Variants in CACNA1I observed in about 807,000 individuals in gnomAD.
CACNA1I encodes voltage-dependent T-type calcium channel subunit alpha-1I.
In CACNA1I, 74 loss-of-function variants were observed where a neutral mutation model predicts 201.6. The ratio of observed to expected loss-of-function variants is 0.37; its 90% confidence interval spans 0.30 to 0.45. The LOEUF is 0.45. Among genes scored for constraint, CACNA1I ranks in the 20% least tolerant of loss-of-function variants. The pLI is 1.00. For missense variants in CACNA1I, 2,346 were observed against 3,138.1 expected (o/e 0.75, Z 6.03); for synonymous variants, 1,431 against 1,345.2 (o/e 1.06, Z -1.40).
At chr22:39,619,591 T>C (rs1190222454) in intron 4 of CACNA1I, among the ~76,000 whole-genome samples, 184 bp downstream of exon 4, 1 of 150,062 alleles carries the variant, frequency 6.7e-6, no homozygotes, top group African/African-American at 2.5e-5. Flanking sequence ...CCTGCTCCCA[T>C]AGAGCTCATG....
chr22:39,630,035 G>A (rs912513305), intron 4 of CACNA1I, among the ~76,000 whole-genome samples: 1 of 152,110 alleles, frequency 6.6e-6, no homozygotes, highest in Non-Finnish European at 1.5e-5. Flanking sequence ...CAGCCGCATG[G>A]TCTCCTTGCT....
At chr22:39,588,424 C>T (rs557487218) in intron 1 of CACNA1I, among the ~76,000 whole-genome samples, 15 of 143,766 alleles carry the variant, frequency 1.0e-4, no homozygotes, top group Admixed American at 7.0e-4. Context: ...CTCACTCTGT[C>T]GCCCAGGCTG....
intron 3 of CACNA1I, among the ~76,000 whole-genome samples, chr22:39,602,585 T>C (rs149256269): frequency 3.3e-5 from 5 of 152,096 alleles, no homozygotes; most frequent in Admixed American, 1.3e-4. Context: ...GTTTGGATAG[T>C]GTCATTTTTC....
intron 1 of CACNA1I, among the ~76,000 whole-genome samples, chr22:39,593,201 G>A (rs747909643): frequency 2.6e-5 from 4 of 152,208 alleles, no homozygotes; most frequent in African/African-American, 9.6e-5. Flanking sequence ...CACCAGCACT[G>A]CTGTGAATCA....
rs1309112991 is a variant in CACNA1I, at chr22:39,684,773, G to A, written c.6027+275G>A. The A allele has an allele frequency of 3.4e-6, 2 of 591,614 alleles. No homozygotes were observed. Among genetic ancestry groups the A allele is most frequent in the Non-Finnish European group, 3.0e-6 (1 of 332,634 alleles). 36.6% of individuals were successfully genotyped at this position (591,614 alleles called of 1,614,324 possible). A position where few individuals can be genotyped will look rare whatever the true frequency, so the allele number is the denominator to read the frequency against. On this transcript the variant is annotated intron_variant, in intron 36 of 36. Transcript: ENST00000402142. This position sits in a 1 kb window ranked among gnomAD's most constrained non-coding sequence, Gnocchi z 4.6. ...GGAAGAGGCCTGTGATCCCTAGCTT[G>A]AGGGGAGGGGAGGAGAGGAGGAGGA...
At position 39,666,721 on chromosome 22, in the gene CACNA1I, C is replaced by T. The variant is rs765766853; in HGVS notation, c.4104+715C>T. ...CAGGGAGGAGCAGGCTCCAGGCCCT[C>T]GTCCCCCACTGGCTGATGGGCAGCC... On this transcript the variant is annotated intron_variant, in intron 23 of 36. Transcript: ENST00000402142. The surrounding 1 kb of genome is among the most constrained non-coding windows in gnomAD (Gnocchi z 4.1). Among the ~76,000 whole-genome samples, 11 of 152,346 alleles carry T rather than the reference C, an allele frequency of 7.2e-5. No individual in the cohort carries two copies. The East Asian group carries it at 7.7e-4, about 11-fold the overall frequency.
At chr22:39,673,932 C>A in intron 28 of CACNA1I, 31 bp from the exon 29 acceptor site, 1 of 1,606,478 alleles carries the variant, frequency 6.2e-7, no homozygotes. Flanking sequence ...CGGCCTGGGG[C>A]TGAGTGGGCA....
intron 5 of CACNA1I, 114 bp from the exon 6 acceptor site, chr22:39,640,753 G>A (rs1934331513): frequency 4.7e-6 from 4 of 846,700 alleles, no homozygotes; most frequent in Admixed American, 2.4e-5. Context: ...ATGTGCCAAG[G>A]CCTGGAGGCA....
chr22:39,646,771 G>T lies in CACNA1I; in HGVS notation c.1352G>T (p.Arg451Leu). The T allele has an allele frequency of 6.3e-7, 1 of 1,583,118 alleles. No homozygotes were observed. The highest frequency in any genetic ancestry group is 8.6e-7 in the Non-Finnish European group (1 of 1,165,098). Residue 451 changes from arginine (R) to leucine (L), a missense_variant, in exon 8 of 37, where the codon CGC becomes CTC. Arg to Leu is a moderately radical substitution (Grantham distance 102). Coordinates refer to ENST00000402142, the MANE Select transcript of CACNA1I (RefSeq NM_021096.4). ...TGCCACATCCTGCGCAAGGCCAAGC[G>T]CCGCGCCCTGGGCCTCTACCAGGCC... ...YVCHILRKAKRRALGLYQALQ... is the reference protein window; with the variant it reads ...YVCHILRKAKLRALGLYQALQ...
intron 1 of CACNA1I, among the ~76,000 whole-genome samples, chr22:39,577,606 G>A (rs944602858): frequency 1.3e-5 from 2 of 152,268 alleles, no homozygotes; most frequent in Non-Finnish European, 2.9e-5. Context: ...CCTGGACTGC[G>A]CGGAGCACAG....
chr22:39,638,468 A>G, intron 5 of CACNA1I, among the ~76,000 whole-genome samples: 1 of 152,210 alleles, frequency 6.6e-6, no homozygotes, highest in East Asian at 1.9e-4. Flanking sequence ...AGTGTATGTG[A>G]GTGTCTGTTT....
intron 1 of CACNA1I, among the ~76,000 whole-genome samples, chr22:39,590,228 A>C (rs1569050257): frequency 6.6e-6 from 1 of 152,092 alleles, no homozygotes; most frequent in Non-Finnish European, 1.5e-5. Flanking sequence ...CCACATCCTG[A>C]CCTTCTCAGG....
Position 39,663,776 on chromosome 22 carries a change from G to A in CACNA1I, c.3532G>A (p.Ala1178Thr). The change falls in exon 19 of 37, where the codon GCC becomes ACC. Residue 1178 changes from alanine to threonine, a missense_variant. Transcript: ENST00000402142. Reference protein sequence around the residue: ...AHKLFDYVVLAFIFLNCITIA... With the variant: ...AHKLFDYVVLTFIFLNCITIA... ...CAAACTCTTCGACTACGTCGTCCTG[G>A]CCTTCATCTTTCTCAACTGCATCAC... 1 of 1,613,864 alleles carries A rather than the reference G, an allele frequency of 6.2e-7. No individual in the cohort carries two copies. The highest frequency in any genetic ancestry group is 8.5e-7 in the Non-Finnish European group (1 of 1,179,838).
intron 1 of CACNA1I, among the ~76,000 whole-genome samples, chr22:39,574,192 T>C (rs1932270646): frequency 6.6e-6 from 1 of 152,258 alleles, no homozygotes. Flanking sequence ...ACTGAAATTC[T>C]AAGCTTCTGT....
At chr22:39,576,092 G>T (rs1932339825) in intron 1 of CACNA1I, among the ~76,000 whole-genome samples, 1 of 152,188 alleles carries the variant, frequency 6.6e-6, no homozygotes, top group Non-Finnish European at 1.5e-5. Context: ...CCTTTCTTAG[G>T]AGCATAGCTG....
intron 1 of CACNA1I, among the ~76,000 whole-genome samples, chr22:39,589,509 A>G (rs1237380380): frequency 2.6e-5 from 4 of 152,262 alleles, no homozygotes; most frequent in Non-Finnish European, 5.9e-5. Context: ...ATTGGTGGCC[A>G]CTGTTGCTCG....
chr22:39,576,801 C>T (rs1192595984), intron 1 of CACNA1I, among the ~76,000 whole-genome samples: 3 of 152,160 alleles, frequency 2.0e-5, no homozygotes, highest in Non-Finnish European at 2.9e-5. Context: ...CCGCCCTCCT[C>T]GTGGGTGGGC....
At position 39,646,725 on chromosome 22, in the gene CACNA1I, G is replaced by A. The variant is rs1389065559; in HGVS notation, c.1306G>A (p.Glu436Lys). The A allele has an allele frequency of 1.3e-6, 2 of 1,597,878 alleles. No individual in the cohort carries two copies. The highest frequency in any genetic ancestry group is 1.1e-5 in the South Asian group (1 of 88,466). ...ASYAEPGDCY[E>K]EIFQYVCHIL... ...CTACGCCGAGCCTGGCGACTGCTAC[G>A]AGGAGATCTTCCAGTATGTCTGCCA... Residue 436 changes from glutamate (E) to lysine (K), a missense_variant, in exon 8 of 37, where the codon GAG becomes AAG. By Grantham distance (56) the Glu-to-Lys change is moderately conservative. This residue lies in a region of CACNA1I where 312 missense variants were observed against 331.5 expected (regional missense o/e 0.94). Coordinates refer to ENST00000402142, the MANE Select transcript of CACNA1I (RefSeq NM_021096.4).
intron 1 of CACNA1I, among the ~76,000 whole-genome samples, chr22:39,581,126 A>AGCCAGC (rs2145804814): frequency 6.6e-6 from 1 of 152,348 alleles, no homozygotes; most frequent in East Asian, 1.9e-4. Context: ...AGAACAGGGC[A>AGCCAGC]GCCAGCTTGT....
Sources: allele counts gnomAD v4.1 joint callset (sites outside exome capture counted in the v4.1 genomes callset), GRCh38; gene constraint gnomAD v4.1.1; regional missense constraint gnomAD v4.1.1; non-coding constraint Gnocchi (gnomAD v3.1); transcripts MANE v1.5; gene names NCBI Gene and HGNC (gene_info 2026-07-23, HGNC 2026-07-21).